PLA2G7: variants seen among roughly 807,000 people sequenced by gnomAD.
PLA2G7 encodes the protein phospholipase A2 group VII.
A neutral mutation model predicts 49.6 loss-of-function variants in PLA2G7; 63 were observed. The ratio of observed to expected loss-of-function variants is 1.27; its 90% CI spans 1.04 to 1.57. The LOEUF (loss-of-function observed/expected upper bound fraction) is 1.57, where lower values mean the gene tolerates loss of function less well. Ranked by LOEUF, PLA2G7 falls within the 40% of genes most tolerant of loss-of-function variation. The pLI is 0.00. For missense variants in PLA2G7, 596 were observed against 521.2 expected (o/e 1.14, Z -1.40); for synonymous variants, 193 against 169.9 (o/e 1.14, Z -1.06).
intron 1 of PLA2G7, among the ~76,000 whole-genome samples, chr6:46,726,244 A>G (rs1765570514): frequency 6.6e-6 from 1 of 152,184 alleles, no homozygotes; most frequent in South Asian, 2.1e-4. Context: ...GCTTTCTGAG[A>G]CCTGCTTCTG....
chr6:46,732,382 C>T (rs972757708), intron 1 of PLA2G7, among the ~76,000 whole-genome samples: 3 of 151,880 alleles, frequency 2.0e-5, no homozygotes, highest in South Asian at 2.1e-4. Flanking sequence ...CACACACACA[C>T]ACACACACAC....
At chr6:46,717,131 C>A (rs369431756) in intron 2 of PLA2G7, 35 bp from the exon 3 acceptor site, 15 of 1,579,692 alleles carry the variant, frequency 9.5e-6, no homozygotes, top group Non-Finnish European at 1.3e-5. Context: ...CATTTGTCAT[C>A]CATTACATAT....
Position 46,704,503 on chromosome 6 carries a change from CACACACAT to C in PLA2G7, c.*49_*56del. ...TCACACACACACACACACACACACA[CACACACAT>C]AATTTTAGACAGTTTTGAAACAAGA... On this transcript the variant is annotated 3_prime_UTR_variant, in exon 12 of 12. Coordinates refer to ENST00000274793, the MANE Select transcript of PLA2G7 (RefSeq NM_005084.4). 1 of 937,356 alleles carries C rather than the reference CACACACAT, an allele frequency of 1.1e-6. No homozygotes were observed. Among genetic ancestry groups the C allele is most frequent in the Non-Finnish European group, 1.7e-6 (1 of 581,278 alleles). The allele number at this position is 937,356 out of a possible 1,614,324, so 58.1% of individuals were successfully genotyped here. A position where few individuals can be genotyped will look rare whatever the true frequency, so the allele number is the denominator to read the frequency against.
chr6:46,731,728 AAAT>A (rs1765739781), intron 1 of PLA2G7, among the ~76,000 whole-genome samples: 4 of 152,256 alleles, frequency 2.6e-5, no homozygotes, highest in Non-Finnish European at 4.4e-5. Context: ...CAATATGAGC[AAAT>A]AATAATGGTA....
At chr6:46,721,819 G>A (rs1224450144) in intron 2 of PLA2G7, among the ~76,000 whole-genome samples, 1 of 151,788 alleles carries the variant, frequency 6.6e-6, no homozygotes, top group Non-Finnish European at 1.5e-5. Flanking sequence ...TTATGTAGTA[G>A]GGCAAAATTT....
intron 1 of PLA2G7, among the ~76,000 whole-genome samples, chr6:46,724,626 T>A (rs1765516763): frequency 6.6e-6 from 1 of 152,190 alleles, no homozygotes; most frequent in Non-Finnish European, 1.5e-5. Flanking sequence ...TGAACAGAAG[T>A]CGTCTGCAAC....
At chr6:46,710,392 C>T in intron 8 of PLA2G7, 153 bp downstream of exon 8, 1 of 652,888 alleles carries the variant, frequency 1.5e-6, no homozygotes, top group Non-Finnish European at 2.8e-6. Flanking sequence ...CAATACTTTA[C>T]CTGTACTGCT....
chr6:46,722,646 A>T, intron 2 of PLA2G7, 137 bp downstream of exon 2: 1 of 677,488 alleles, frequency 1.5e-6, no homozygotes, highest in South Asian at 1.6e-5. Flanking sequence ...CCTCTCCCCT[A>T]CTCCAGGAGA....
chr6:46,717,714 TC>T (rs66540623), intron 2 of PLA2G7, among the ~76,000 whole-genome samples: 65,635 of 105,974 alleles, frequency 0.62, 16,638 homozygotes, highest in East Asian at 0.77. Flanking sequence ...TTTTTCTTTT[TC>T]TTTTTTTTTT....
At chr6:46,733,128 C>G (rs1765786086) in intron 1 of PLA2G7, among the ~76,000 whole-genome samples, 1 of 152,158 alleles carries the variant, frequency 6.6e-6, no homozygotes, top group Admixed American at 6.5e-5. Context: ...TCCAGCTGCT[C>G]AGGTACCCAG....
chr6:46,716,653 CT>C, intron 3 of PLA2G7, 125 bp from the exon 4 acceptor site: 1 of 887,514 alleles, frequency 1.1e-6, no homozygotes, highest in East Asian at 2.6e-5. Flanking sequence ...GTCTAAAGAA[CT>C]TTTTAGGCTG....
In PLA2G7 at chr6:46,705,990, C is replaced by A. The variant is rs370375405; in HGVS notation, c.1041-689G>T. ...CTCTATGTTCTTCACTGGCTCTTCA[C>A]CCATTTCCCATTGGCTGAATGTAGG... On this transcript the variant is annotated intron_variant, in intron 10 of 11. Transcript: ENST00000274793. Among the ~76,000 whole-genome samples, 17 of 152,306 alleles carry A rather than the reference C, an allele frequency of 1.1e-4. No individual in the cohort carries two copies. The Middle Eastern group carries it at 0.01, about 91-fold the overall frequency.
intron 10 of PLA2G7, among the ~76,000 whole-genome samples, chr6:46,706,371 A>G (rs1324482942): frequency 2.6e-5 from 4 of 152,240 alleles, no homozygotes; most frequent in African/African-American, 9.6e-5. Flanking sequence ...CAGGAATACA[A>G]GAGAATTGCG....
intron 1 of PLA2G7, among the ~76,000 whole-genome samples, chr6:46,732,403 C>CACT (rs1765763178): frequency 6.1e-5 from 9 of 147,632 alleles, no homozygotes; most frequent in African/African-American, 2.3e-4. Flanking sequence ...ACACACACAC[C>CACT]ACTATACTGC....
chr6:46,713,439 C>CA (rs1182767181), intron 5 of PLA2G7, among the ~76,000 whole-genome samples: 1 of 152,038 alleles, frequency 6.6e-6, no homozygotes, highest in Non-Finnish European at 1.5e-5. Flanking sequence ...AGACAGTGTA[C>CA]AAAAATGAAT....
At position 46,717,038 on chromosome 6, in the gene PLA2G7, G is replaced by A; in HGVS notation, c.168C>T (p.Ile56=). Residue 56 remains isoleucine, a synonymous_variant, in exon 3 of 12, where the codon ATC becomes ATT. Coordinates refer to ENST00000274793, the MANE Select transcript of PLA2G7 (RefSeq NM_005084.4). The stretch of plus-strand genomic sequence containing the variant: ...CGGAATAAGGCCCATTTCCCCGGGG[G>A]ATTTTAGTTTGGCCAAAGCTTGCAG... ...MAAASFGQTK[I]PRGNGPYSVG... 2 of 1,613,592 alleles carry A rather than the reference G, an allele frequency of 1.2e-6. No individual in the cohort carries two copies. Among genetic ancestry groups the A allele is most frequent in the Non-Finnish European group, 8.5e-7 (1 of 1,179,492 alleles).
chr6:46,734,910 T>C (rs531915027), intron 1 of PLA2G7, among the ~76,000 whole-genome samples: 5 of 152,198 alleles, frequency 3.3e-5, no homozygotes, highest in African/African-American at 1.2e-4. Context: ...GTCCTGATTC[T>C]CCCCCCAGCT....
At chr6:46,710,100 T>C (rs542515517) in intron 8 of PLA2G7, among the ~76,000 whole-genome samples, 13 of 152,266 alleles carry the variant, frequency 8.5e-5, no homozygotes, top group African/African-American at 3.1e-4. Flanking sequence ...CAGACCATCA[T>C]CTTATTCTCT....
At chr6:46,726,029 G>A (rs1159974905) in intron 1 of PLA2G7, among the ~76,000 whole-genome samples, 1 of 152,298 alleles carries the variant, frequency 6.6e-6, no homozygotes, top group Non-Finnish European at 1.5e-5. Context: ...GGACAGTAAG[G>A]GTAAGCTCTA....
Sources: allele counts gnomAD v4.1 joint callset (sites outside exome capture counted in the v4.1 genomes callset), GRCh38; gene constraint gnomAD v4.1.1; transcripts MANE v1.5; gene names NCBI Gene and HGNC (gene_info 2026-07-23, HGNC 2026-07-21).